The following FBXO11 variants were observed in gnomAD, a reference collection of about 807,000 sequenced individuals.
FBXO11 encodes the protein F-box protein 11, also known as F-box only protein 11.
FBXO11 carries 13 observed loss-of-function variants against 117.0 expected under a neutral mutation model. The observed-to-expected ratio is 0.11, with a 90% CI of 0.07 to 0.18. FBXO11 has a LOEUF of 0.18. FBXO11 is among the 10% of genes least tolerant of loss of function. FBXO11 has a pLI of 1.00. For missense variants in FBXO11, 767 were observed against 1,164.4 expected, an observed-to-expected ratio of 0.66 and a Z score of 4.97; for synonymous variants, 490 against 380.5, an observed-to-expected ratio of 1.29 and a Z score of -3.35.
intron 1 of FBXO11, among the ~76,000 whole-genome samples, chr2:47,900,614 ATATACACACGTATACACACACGTACG>A (rs1678065084): frequency 1.3e-5 from 1 of 74,316 alleles, no homozygotes; most frequent in South Asian, 3.9e-4. Flanking sequence ...ATACACACGT[ATATACACACGTATACACACACGTACG>A]TATATACACA....
intron 1 of FBXO11, among the ~76,000 whole-genome samples, chr2:47,870,647 T>A (rs1675556389): frequency 6.6e-6 from 1 of 152,240 alleles, no homozygotes; most frequent in African/African-American, 2.4e-5. Context: ...TCTCAAAGAA[T>A]CATGGTGCTG....
chr2:47,835,029 A>T (rs995123261), intron 5 of FBXO11, among the ~76,000 whole-genome samples, 158 bp from the exon 6 acceptor site: 1 of 152,240 alleles, frequency 6.6e-6, no homozygotes, highest in African/African-American at 2.4e-5. Flanking sequence ...AATCTAAAAC[A>T]AGTTATGATC....
rs144747785 is a variant in FBXO11 at position 47,834,134 on chromosome 2, G to C, written c.934+445C>G. On this transcript the variant is annotated intron_variant, in intron 7 of 22. Transcript: ENST00000403359. ...GAAGGCCGAGATGGGCAAATCACTT[G>C]AGGCCAGGAGTTTGAGACCAGCCTG... 3.5e-3 allele frequency among the ~76,000 whole-genome samples: 532 copies of C among 152,292 alleles called. 5 individuals are homozygous for C. The highest frequency in any genetic ancestry group is 0.013 in the African/African-American group (526 of 41,578).
At chr2:47,815,837 A>G (rs1295013829) in intron 16 of FBXO11, among the ~76,000 whole-genome samples, 1 of 152,174 alleles carries the variant, frequency 6.6e-6, no homozygotes, top group Non-Finnish European at 1.5e-5. Context: ...AGCTCACAAT[A>G]TCTGATCCTC....
At chr2:47,844,457 A>G (rs1036743868) in intron 1 of FBXO11, among the ~76,000 whole-genome samples, 6 of 152,202 alleles carry the variant, frequency 3.9e-5, no homozygotes, top group Non-Finnish European at 1.5e-5. Context: ...CATATGTGCA[A>G]TAAAATTCAA....
intron 18 of FBXO11, chr2:47,811,512 C>G (rs552401664): frequency 6.6e-6 from 1 of 152,210 alleles, no homozygotes; most frequent in Admixed American, 6.5e-5. Flanking sequence ...CCACTGCACC[C>G]GGCCACTGTT....
intron 8 of FBXO11, 31 bp from the exon 9 acceptor site, chr2:47,832,911 C>G: frequency 6.2e-7 from 1 of 1,606,418 alleles, no homozygotes; most frequent in Non-Finnish European, 8.5e-7. Context: ...TTGAAATAAA[C>G]AATTACTGCC....
At chr2:47,879,863 CT>C (rs1203066910) in intron 1 of FBXO11, among the ~76,000 whole-genome samples, 2 of 152,112 alleles carry the variant, frequency 1.3e-5, no homozygotes, top group East Asian at 3.8e-4. Flanking sequence ...CAGTATTTGT[CT>C]TTTTGTGACT....
At chr2:47,885,142 A>C (rs1676726258) in intron 1 of FBXO11, among the ~76,000 whole-genome samples, 1 of 152,230 alleles carries the variant, frequency 6.6e-6, no homozygotes, top group Admixed American at 6.5e-5. Context: ...AAATGACAGC[A>C]AACACCTGAG....
At chr2:47,885,943 T>C (rs1676804981) in intron 1 of FBXO11, among the ~76,000 whole-genome samples, 1 of 152,204 alleles carries the variant, frequency 6.6e-6, no homozygotes, top group Non-Finnish European at 1.5e-5. Flanking sequence ...CCAAACCATT[T>C]CAACCCTAAC....
intron 16 of FBXO11, among the ~76,000 whole-genome samples, chr2:47,817,897 C>G (rs1448250653): frequency 6.6e-6 from 1 of 152,192 alleles, no homozygotes; most frequent in South Asian, 2.1e-4. Context: ...CCTGTGATCC[C>G]AGCACTTTGG....
chr2:47,814,754 G>A (rs1371160133), intron 16 of FBXO11, among the ~76,000 whole-genome samples: 2 of 152,116 alleles, frequency 1.3e-5, no homozygotes, highest in Non-Finnish European at 2.9e-5. Flanking sequence ...AGATTTCTCT[G>A]TAGCATGCAA....
intron 13 of FBXO11, 81 bp downstream of exon 13, chr2:47,822,137 T>G (rs1671436614): frequency 1.0e-6 from 1 of 967,166 alleles, no homozygotes; most frequent in Non-Finnish European, 1.6e-6. Flanking sequence ...ACTTGGGTAG[T>G]TTCAAAATGT....
At chr2:47,846,338 A>T (rs750650893) in intron 1 of FBXO11, among the ~76,000 whole-genome samples, 1 of 152,160 alleles carries the variant, frequency 6.6e-6, no homozygotes, top group Non-Finnish European at 1.5e-5. Flanking sequence ...TTGGTGGCGC[A>T]TGCCTGTAAT....
At chr2:47,827,509 G>T (rs1372409665) in intron 11 of FBXO11, among the ~76,000 whole-genome samples, 1 of 152,086 alleles carries the variant, frequency 6.6e-6, no homozygotes, top group African/African-American at 2.4e-5. Flanking sequence ...GTTTCACTAT[G>T]TTGGCCAGGA....
At chr2:47,857,061 T>C (rs1317774337) in intron 1 of FBXO11, among the ~76,000 whole-genome samples, 1 of 152,220 alleles carries the variant, frequency 6.6e-6, no homozygotes, top group Non-Finnish European at 1.5e-5. Flanking sequence ...ACACTATTTA[T>C]GCACAGAAAC....
rs565016056 is a variant in FBXO11 at position 47,905,725 on chromosome 2, C to T, written c.-5G>A. 269 of 1,466,788 alleles carry T rather than the reference C, an allele frequency of 1.8e-4. 1 individual carries two copies. Among genetic ancestry groups the T allele is most frequent in the East Asian group, 9.0e-5 (3 of 33,304 alleles). 90.9% of individuals were successfully genotyped at this position (1,466,788 alleles called of 1,614,324 possible). A position where few individuals can be genotyped will look rare whatever the true frequency, so the allele number is the denominator to read the frequency against. Reference sequence around the variant, plus strand: ...GGCGGCTCGGACGGAGTTCATTTGCCGGGCTGAGGTGGCGGCGTTGGCGGA... The same window carrying T: ...GGCGGCTCGGACGGAGTTCATTTGCTGGGCTGAGGTGGCGGCGTTGGCGGA... On this transcript the variant is annotated 5_prime_UTR_variant, in exon 1 of 23. Transcript: ENST00000403359.
intron 1 of FBXO11, among the ~76,000 whole-genome samples, chr2:47,891,961 G>C (rs776082027): frequency 1.3e-5 from 2 of 152,072 alleles, no homozygotes; most frequent in Non-Finnish European, 2.9e-5. Flanking sequence ...TTTTAAATAG[G>C]TTATTAGTTT....
Position 47,807,489 on chromosome 2 carries a change from T to G in FBXO11, c.*629A>C, listed in dbSNP as rs1670301994. ...AACATTGCTGGATATAATTTAAGAT[T>G]AGTGTTTTCTCTTTCATAGAAAGAA... On this transcript the variant is annotated 3_prime_UTR_variant, in exon 23 of 23. Transcript: ENST00000403359. 1 of 207,356 alleles carries G rather than the reference T, an allele frequency of 4.8e-6. No individual in the cohort carries two copies. Among genetic ancestry groups the G allele is most frequent in the Non-Finnish European group, 9.9e-6 (1 of 101,412 alleles). The allele number at this position is 207,356 out of a possible 1,614,324, so 12.8% of individuals were successfully genotyped here.
Sources: gnomAD v4.1 joint callset for allele counts (sites outside exome capture counted in the v4.1 genomes callset) on GRCh38, gnomAD v4.1.1 for gene constraint, MANE v1.5 for transcripts, NCBI Gene and HGNC (gene_info 2026-07-23, HGNC 2026-07-21) for gene names.